The following SPTLC1 variants were observed in gnomAD, a reference collection of about 807,000 sequenced individuals.
SPTLC1 encodes serine palmitoyltransferase 1.
A neutral mutation model predicts 68.9 loss-of-function variants in SPTLC1; 55 were observed. That is an observed-to-expected ratio of 0.80 (90% CI 0.64 to 1.00). The LOEUF (loss-of-function observed/expected upper bound fraction) is 1.00, where lower values mean the gene tolerates loss of function less well. Among genes scored for constraint, SPTLC1 ranks in the 50% least tolerant of loss-of-function variants. The pLI is 0.00. For synonymous variants in SPTLC1, 197 were observed against 201.6 expected (o/e 0.98, Z 0.19); for missense variants, 449 against 573.1 (o/e 0.78, Z 2.21).
chr9:92,032,313 TCACA>T lies in SPTLC1; in HGVS notation c.*148_*151del, dbSNP rs1315021077. On this transcript the variant is annotated 3_prime_UTR_variant, in exon 15 of 15. Coordinates refer to ENST00000262554, the MANE Select transcript of SPTLC1 (RefSeq NM_006415.4). ...AAAAAAATAAGCATCCTTCTCATGGTCACACAATTGGTCCATACTGACACCATTT... is the reference window on the plus strand; with the variant it reads ...AAAAAAATAAGCATCCTTCTCATGGTCAATTGGTCCATACTGACACCATTT... The T allele has an allele frequency of 6.5e-7, 1 of 1,544,204 alleles. No individual in the cohort carries two copies. Among genetic ancestry groups the T allele is most frequent in the South Asian group, 1.2e-5 (1 of 84,910 alleles).
chr9:92,068,174 C>G (rs550331654), intron 5 of SPTLC1, 76 bp from the exon 6 acceptor site: 459 of 1,427,610 alleles, frequency 3.2e-4, no homozygotes, highest in Non-Finnish European at 4.3e-4. Context: ...AATAAAAGAA[C>G]ACAAGCAGTA....
chr9:92,052,226 T>A (rs1264097545), intron 8 of SPTLC1, among the ~76,000 whole-genome samples: 1 of 152,236 alleles, frequency 6.6e-6, no homozygotes, highest in Non-Finnish European at 1.5e-5. Flanking sequence ...AGTGTGGTAC[T>A]GGCATAGGAC....
At chr9:92,035,173 T>C (rs942402994) in intron 13 of SPTLC1, among the ~76,000 whole-genome samples, 2 of 152,208 alleles carry the variant, frequency 1.3e-5, no homozygotes, top group African/African-American at 2.4e-5. Context: ...AGTTGCACCT[T>C]TTCTTATTTC....
Position 92,038,333 on chromosome 9 carries a change from A to G in SPTLC1, c.1169T>C (p.Leu390Pro). ...CAGTTGTAGGTGAAAGGCTGGAGAA[A>G]GGGACTCCCCCACCACTTTTAATCC... ...ISGLKVVGES[L>P]SPAFHLQLEE... Residue 390 changes from leucine to proline, a missense_variant, in exon 13 of 15, where the codon CTT becomes CCT. Physicochemically the swap from Leu to Pro is moderately conservative, Grantham distance 98. Transcript: ENST00000262554. 6.2e-7 allele frequency: 1 copy of G among 1,613,976 alleles called. No individual in the cohort carries two copies. The highest frequency in any genetic ancestry group is 1.7e-5 in the Admixed American group (1 of 60,024).
rs1212451436 is a variant in SPTLC1, at chr9:92,031,673, T to C, written c.*792A>G. On this transcript the variant is annotated 3_prime_UTR_variant, in exon 15 of 15. Coordinates refer to ENST00000262554, the MANE Select transcript of SPTLC1 (RefSeq NM_006415.4). ...TCTAAAATATAAAGGATATGATTTA[T>C]ATTATGGGATCAACATAATAACCAA... 6.6e-6 allele frequency: 1 copy of C among 152,630 alleles called. No homozygotes were observed. Among genetic ancestry groups the C allele is most frequent in the Admixed American group, 6.5e-5 (1 of 15,286 alleles). 9.5% of individuals were successfully genotyped at this position (152,630 alleles called of 1,614,324 possible).
intron 3 of SPTLC1, among the ~76,000 whole-genome samples, chr9:92,083,340 C>T (rs1229984977): frequency 6.6e-6 from 1 of 152,072 alleles, no homozygotes; most frequent in Non-Finnish European, 1.5e-5. Context: ...AATAGTAATG[C>T]CTAGGTTTTC....
intron 5 of SPTLC1, among the ~76,000 whole-genome samples, chr9:92,069,842 C>T (rs1006419050): frequency 1.3e-5 from 2 of 152,114 alleles, no homozygotes; most frequent in Non-Finnish European, 2.9e-5. Flanking sequence ...ATCTCCATTT[C>T]AAAAAGAAAA....
rs911811464 is a variant in SPTLC1, at chr9:92,059,435, CAT to C, written c.561-129_561-128del. On this transcript the variant is annotated intron_variant, in intron 6 of 14. Coordinates refer to ENST00000262554, the MANE Select transcript of SPTLC1 (RefSeq NM_006415.4). ...ACATGAGCATAGCAAATAAATAAAACATGTTTGAATATTTATACATCATTGTT... is the reference window on the plus strand; with the variant it reads ...ACATGAGCATAGCAAATAAATAAAACGTTTGAATATTTATACATCATTGTT... 1.1e-4 allele frequency: 109 copies of C among 970,144 alleles called. 2 individuals carry two copies. The highest frequency in any genetic ancestry group is 8.8e-5 in the Non-Finnish European group (55 of 622,398). 60.1% of individuals were successfully genotyped at this position (970,144 alleles called of 1,614,324 possible). A position where few individuals can be genotyped will look rare whatever the true frequency, so the allele number is the denominator to read the frequency against.
chr9:92,093,330 A>G (rs1230371679), intron 3 of SPTLC1, among the ~76,000 whole-genome samples: 1 of 152,204 alleles, frequency 6.6e-6, no homozygotes, highest in African/African-American at 2.4e-5. Context: ...ACCTACAGAT[A>G]TTAACTGGGA....
intron 3 of SPTLC1, chr9:92,104,872 G>A: frequency 6.5e-7 from 1 of 1,532,832 alleles, no homozygotes; most frequent in South Asian, 1.2e-5. Flanking sequence ...AGACTGACAA[G>A]GCCCAGGTGC....
chr9:92,038,222 G>T, intron 13 of SPTLC1, 26 bp downstream of exon 13: 1 of 1,463,390 alleles, frequency 6.8e-7, no homozygotes, highest in Non-Finnish European at 9.6e-7. Context: ...GGTGTGGGGG[G>T]ATGCCTCAAG....
At chr9:92,049,876 G>T in intron 9 of SPTLC1, 84 bp downstream of exon 9, 1 of 950,142 alleles carries the variant, frequency 1.1e-6, no homozygotes, top group Non-Finnish European at 1.7e-6. Flanking sequence ...ACACTGTCTT[G>T]TGCCTATAAA....
At chr9:92,042,508 T>C (rs914100150) in intron 12 of SPTLC1, among the ~76,000 whole-genome samples, 4 of 152,162 alleles carry the variant, frequency 2.6e-5, no homozygotes, top group African/African-American at 9.7e-5. Context: ...GACAACCCCA[T>C]TCATAACAGC....
rs142473364 is a variant in SPTLC1, at chr9:92,083,510, A to T, written c.261-2547T>A. Among the ~76,000 whole-genome samples the T allele has an allele frequency of 1.3e-4, 20 of 152,256 alleles. No individual in the cohort carries two copies. The East Asian group carries it at 2.5e-3, about 19-fold the overall frequency. ...TATTAAATAGGGAATCCTTTCCCCA[A>T]TGCTTGATTTTCTCAGGTTTGTCAA... On this transcript the variant is annotated intron_variant, in intron 3 of 14. Coordinates refer to ENST00000262554, the MANE Select transcript of SPTLC1 (RefSeq NM_006415.4).
chr9:92,062,368 A>C (rs1834137199), intron 6 of SPTLC1, among the ~76,000 whole-genome samples: 1 of 152,232 alleles, frequency 6.6e-6, no homozygotes, highest in Admixed American at 6.5e-5. Flanking sequence ...AGATGCAACC[A>C]CTGATAAAAC....
chr9:92,084,698 TTC>T (rs1835039646), intron 3 of SPTLC1, among the ~76,000 whole-genome samples: 1 of 151,960 alleles, frequency 6.6e-6, no homozygotes, highest in African/African-American at 2.4e-5. Flanking sequence ...TGGTCTAAAA[TTC>T]TCTTTTTTGG....
rs377585385 is a variant in SPTLC1 at position 92,077,467 on chromosome 9, A to G, written c.427+2549T>C. Among the ~76,000 whole-genome samples, 9 of 152,098 alleles carry G rather than the reference A, an allele frequency of 5.9e-5. No homozygotes were observed. The East Asian group carries it at 1.7e-3, about 29-fold the overall frequency. On this transcript the variant is annotated intron_variant, in intron 5 of 14. Coordinates refer to ENST00000262554, the MANE Select transcript of SPTLC1 (RefSeq NM_006415.4). ...CACAGTCGTCTGCAGAATCCTCCCC[A>G]CTGGGTTCATCGCTCCAGGATAAAA...
chr9:92,087,081 C>G (rs1185947877), intron 3 of SPTLC1, among the ~76,000 whole-genome samples: 1 of 152,050 alleles, frequency 6.6e-6, no homozygotes, highest in Non-Finnish European at 1.5e-5. Flanking sequence ...CGAGCCTTGG[C>G]TTTCAGCTCC....
intron 11 of SPTLC1, 92 bp from the exon 12 acceptor site, chr9:92,046,145 A>G: frequency 9.4e-7 from 1 of 1,068,148 alleles, no homozygotes; most frequent in South Asian, 1.3e-5. Flanking sequence ...AAGTTCATCA[A>G]TTTAAAATGC....
Sources: gnomAD v4.1 joint callset for allele counts (sites outside exome capture counted in the v4.1 genomes callset) on GRCh38, gnomAD v4.1.1 for gene constraint, MANE v1.5 for transcripts, NCBI Gene and HGNC (gene_info 2026-07-23, HGNC 2026-07-21) for gene names.